The following DNAH11 variants were observed in gnomAD, a reference collection of about 807,000 sequenced individuals.
DNAH11 encodes axonemal beta dynein heavy chain 11.
In DNAH11, 442 loss-of-function variants were observed where a neutral mutation model predicts 526.0. The observed-to-expected ratio is 0.84, with a 90% CI of 0.78 to 0.91. The LOEUF is 0.91. Among genes scored for constraint, DNAH11 ranks in the 40% least tolerant of loss-of-function variants. The pLI is 0.00. For synonymous variants in DNAH11, 2,461 were observed against 1,935.9 expected (o/e 1.27, Z -7.12); for missense variants, 6,989 against 5,448.7 (o/e 1.28, Z -8.90).
intron 28 of DNAH11, among the ~76,000 whole-genome samples, chr7:21,651,641 G>A (rs1781776322): frequency 1.3e-5 from 2 of 152,172 alleles, no homozygotes; most frequent in Non-Finnish European, 2.9e-5. Flanking sequence ...CTTACAATTA[G>A]ATAAATGTAA....
chr7:21,706,897 G>A (rs116601123), intron 39 of DNAH11, among the ~76,000 whole-genome samples: 2,291 of 152,324 alleles, frequency 0.015, 61 homozygotes, highest in African/African-American at 0.05. Context: ...TTGAGTTAAA[G>A]TATTAATTAA....
chr7:21,636,814 C>G (rs1311322268), intron 26 of DNAH11, among the ~76,000 whole-genome samples: 1 of 152,142 alleles, frequency 6.6e-6, no homozygotes, highest in Non-Finnish European at 1.5e-5. Context: ...GTCCCATGCA[C>G]CATAGATTGC....
chr7:21,710,643 G>A lies in DNAH11; in HGVS notation c.6774G>A (p.Leu2258=). ...ATGATGGACCAAAATGGATAGTCCT[G>A]GATGGCGATATTGACCCCATGTGGA... ...LKHDGPKWIV[L]DGDIDPMWIE... Residue 2258 remains leucine (L), a synonymous_variant, in exon 41 of 82, where the codon CTG becomes CTA. Coordinates refer to ENST00000409508, the MANE Select transcript of DNAH11 (RefSeq NM_001277115.2). The A allele has an allele frequency of 3.1e-6, 5 of 1,613,332 alleles. No homozygotes were observed. The highest frequency in any genetic ancestry group is 1.7e-4 in the Middle Eastern group (1 of 6,056).
intron 8 of DNAH11, 112 bp from the exon 9 acceptor site, chr7:21,581,793 C>G (rs1784315729): frequency 7.5e-6 from 5 of 668,188 alleles, no homozygotes; most frequent in Non-Finnish European, 1.1e-5. Flanking sequence ...TAAATTCACT[C>G]AGAGACAGAG....
chr7:21,899,910 T>G, intron 80 of DNAH11, 70 bp from the exon 81 acceptor site: 3 of 1,560,770 alleles, frequency 1.9e-6, no homozygotes, highest in Admixed American at 1.9e-5. Flanking sequence ...ATGCCTCAAT[T>G]TACTGGTAGC....
At chr7:21,732,423 G>A (rs1785421878) in intron 45 of DNAH11, among the ~76,000 whole-genome samples, 2 of 152,142 alleles carry the variant, frequency 1.3e-5, no homozygotes, top group South Asian at 4.1e-4. Flanking sequence ...GTCCCATTCT[G>A]AAATACCGGG....
chr7:21,739,711 T>C, intron 48 of DNAH11, 38 bp downstream of exon 48: 1 of 1,486,354 alleles, frequency 6.7e-7, no homozygotes, highest in Non-Finnish European at 9.3e-7. Flanking sequence ...ACTGTAGGTC[T>C]GTATTGTATT....
Position 21,691,167 on chromosome 7 carries a change from A to AT in DNAH11, c.6041+296dup, listed in dbSNP as rs939874805. Reference sequence around the variant, plus strand: ...TTTATTATAAACATAATCTTTCATAATTTTTTTTTTCTTTTTTTTTTTTTA... The same window carrying AT: ...TTTATTATAAACATAATCTTTCATAATTTTTTTTTTTCTTTTTTTTTTTTTA... On this transcript the variant is annotated intron_variant, in intron 35 of 81. Transcript: ENST00000409508. 0.014 allele frequency among the ~76,000 whole-genome samples: 1,701 copies of AT among 121,828 alleles called. 24 individuals are homozygous for AT. Among genetic ancestry groups the AT allele is most frequent in the African/African-American group, 0.069 (1,516 of 22,076 alleles). 79.9% of individuals were successfully genotyped at this position (121,828 alleles called of 152,430 possible).
intron 31 of DNAH11, among the ~76,000 whole-genome samples, chr7:21,683,383 G>T (rs1403627506): frequency 6.6e-6 from 1 of 152,162 alleles, no homozygotes. Flanking sequence ...AATGAACTTG[G>T]TTGAAAATGT....
chr7:21,651,342 C>G (rs1219686609), intron 28 of DNAH11, among the ~76,000 whole-genome samples: 1 of 152,012 alleles, frequency 6.6e-6, no homozygotes, highest in Admixed American at 6.6e-5. Flanking sequence ...GTAATTTCAT[C>G]TTTCTTCCTT....
In DNAH11 at chr7:21,637,671, C is replaced by T. The variant is rs1433172197; in HGVS notation, c.4786C>T (p.Leu1596Phe). ...NVLEATCRPN[L>F]YEKLKDLQSR... The stretch of plus-strand genomic sequence containing the variant: ...GTTAGAAGCAACGTGCAGACCTAAT[C>T]TCTATGAAAAACTTAAAGATTTACA... Residue 1596 changes from leucine (L) to phenylalanine (F), a missense_variant, in exon 27 of 82, where the codon CTC (leucine) becomes TTC (phenylalanine). Physicochemically the swap from Leu to Phe is conservative, Grantham distance 22. Coordinates refer to ENST00000409508, the MANE Select transcript of DNAH11 (RefSeq NM_001277115.2). 5 of 1,576,744 alleles carry T rather than the reference C, an allele frequency of 3.2e-6. No individual in the cohort carries two copies. Among genetic ancestry groups the T allele is most frequent in the Non-Finnish European group, 4.3e-6 (5 of 1,161,304 alleles).
intron 45 of DNAH11, among the ~76,000 whole-genome samples, chr7:21,732,695 C>A (rs1230589738): frequency 6.6e-6 from 1 of 152,182 alleles, no homozygotes; most frequent in Non-Finnish European, 1.5e-5. Context: ...AATTCTGTGA[C>A]CTGGTGGAAT....
intron 30 of DNAH11, among the ~76,000 whole-genome samples, chr7:21,666,748 A>G (rs1313875182): frequency 1.3e-5 from 2 of 148,700 alleles, no homozygotes; most frequent in African/African-American, 5.0e-5. Context: ...TGTATATTGG[A>G]CACAAGTATT....
intron 45 of DNAH11, among the ~76,000 whole-genome samples, chr7:21,728,115 C>T (rs1419564909): frequency 6.6e-6 from 1 of 152,010 alleles, no homozygotes; most frequent in Non-Finnish European, 1.5e-5. Flanking sequence ...GGGGTTAAGG[C>T]TTCAAGAGAT....
chr7:21,591,366 C>A lies in DNAH11; in HGVS notation c.2456C>A (p.Ala819Asp). 1.2e-6 allele frequency: 2 copies of A among 1,613,860 alleles called. No individual in the cohort carries two copies. Among genetic ancestry groups the A allele is most frequent in the Non-Finnish European group, 1.7e-6 (2 of 1,179,840 alleles). Residue 819 changes from alanine to aspartate, a missense_variant, in exon 14 of 82, where the codon GCC (alanine) becomes GAC (aspartate). Transcript: ENST00000409508. ...CWGYIERVRA[A>D]TSELEHRVER... ...GGCTACATCGAGAGGGTGAGGGCAG[C>A]CACGTCCGAGTTGGAGCACAGAGTT...
chr7:21,683,879 G>C lies in DNAH11; in HGVS notation c.5556G>C (p.Gln1852His). 1.2e-6 allele frequency: 2 copies of C among 1,613,798 alleles called. No homozygotes were observed. The highest frequency in any genetic ancestry group is 2.2e-5 in the South Asian group (2 of 91,046). ...KHCFVNICDA[Q>H]FQYFYEYLGN... ...GCTTTGTTAATATTTGTGATGCCCA[G>C]TTCCAGTACTTCTATGAATACTTAG... The change falls in exon 32 of 82, where the codon CAG becomes CAC. Residue 1852 changes from glutamine to histidine, a missense_variant. Physicochemically the swap from Gln to His is conservative, Grantham distance 24. Transcript: ENST00000409508.
At chr7:21,734,618 A>T (rs1785524721) in intron 45 of DNAH11, among the ~76,000 whole-genome samples, 2 of 152,330 alleles carry the variant, frequency 1.3e-5, no homozygotes, top group South Asian at 4.1e-4. Flanking sequence ...GCCCTTTGGG[A>T]GGCTGAGGCA....
intron 81 of DNAH11, 183 bp from the exon 82 acceptor site, chr7:21,900,824 C>A (rs77729931): frequency 3.3e-6 from 3 of 914,336 alleles, no homozygotes; most frequent in East Asian, 2.7e-5. Flanking sequence ...GCGGTGCCTC[C>A]GCTGCAGGCA....
Position 21,698,080 on chromosome 7 carries a change from G to C in DNAH11, c.6047G>C (p.Cys2016Ser). 6.2e-7 allele frequency: 1 copy of C among 1,611,496 alleles called. No homozygotes were observed. The highest frequency in any genetic ancestry group is 8.5e-7 in the Non-Finnish European group (1 of 1,179,032). Residue 2016 changes from cysteine to serine, a missense_variant, in exon 36 of 82, where the codon TGT (cysteine) becomes TCT (serine). Coordinates refer to ENST00000409508, the MANE Select transcript of DNAH11 (RefSeq NM_001277115.2). Reference sequence around the variant, plus strand: ...AATTCTTATTTACTTTTTAGACCCTGTGCCATGGTGGCCCCTGACATTGAG... The same window carrying C: ...AATTCTTATTTACTTTTTAGACCCTCTGCCATGGTGGCCCCTGACATTGAG... ...PENLKALFRP[C>S]AMVAPDIELI...
Sources: gnomAD v4.1 joint callset for allele counts (sites outside exome capture counted in the v4.1 genomes callset) on GRCh38, gnomAD v4.1.1 for gene constraint, MANE v1.5 for transcripts, NCBI Gene and HGNC (gene_info 2026-07-23, HGNC 2026-07-21) for gene names.